SERPINB12: variants seen among roughly 807,000 people sequenced by gnomAD.
SERPINB12 encodes serpin B12.
A neutral mutation model predicts 41.1 loss-of-function variants in SERPINB12; 57 were observed. That is an observed-to-expected ratio of 1.39 (90% CI 1.12 to 1.73). SERPINB12 has a LOEUF of 1.73. Among genes scored for constraint, SERPINB12 ranks in the 40% most tolerant of loss-of-function variants. The pLI is 0.00. For missense variants in SERPINB12, 536 were observed against 501.9 expected (o/e 1.07, Z -0.65); for synonymous variants, 180 against 181.3 (o/e 0.99, Z 0.06).
At chr18:63,546,711 A>T (rs962804008) in intron 1 of SERPINB12, among the ~76,000 whole-genome samples, 1 of 152,254 alleles carries the variant, frequency 6.6e-6, no homozygotes, top group Non-Finnish European at 1.5e-5. Flanking sequence ...AGCAAAGAAA[A>T]TATAAGCATA....
rs1023440122 is a variant in SERPINB12, at chr18:63,568,383, A to C, written c.*1372A>C. Among the ~76,000 whole-genome samples, 1 of 152,116 alleles carries C rather than the reference A, an allele frequency of 6.6e-6. No individual in the cohort carries two copies. The highest frequency in any genetic ancestry group is 2.4e-5 in the African/African-American group (1 of 41,406). ...GTGACAGAGCGAAACCCTGTCTCAA[A>C]AAACAAACAAACAAAAAACCCAAAA... On this transcript the variant is annotated 3_prime_UTR_variant, in exon 8 of 8. Transcript: ENST00000382768.
the SERPINB12 span, among the ~76,000 whole-genome samples, chr18:63,527,380 A>G: frequency 3.3e-5 from 5 of 152,288 alleles, no homozygotes; most frequent in South Asian, 8.3e-4. Context: ...CAGACTATCA[A>G]TCCTTCAAAT....
intron 3 of SERPINB12, among the ~76,000 whole-genome samples, chr18:63,559,058 C>CTTTCTTTTTCTT (rs778900558): frequency 1.9e-5 from 2 of 107,402 alleles, no homozygotes; most frequent in Non-Finnish European, 4.1e-5. Flanking sequence ...TTCTTTCTTT[C>CTTTCTTTTTCTT]TCTCCTTCTT....
intron 1 of SERPINB12, among the ~76,000 whole-genome samples, chr18:63,544,466 A>T (rs1910339690): frequency 6.6e-6 from 1 of 152,166 alleles, no homozygotes; most frequent in Non-Finnish European, 1.5e-5. Context: ...GGGCGAGAAA[A>T]TTGAAGTTTT....
At chr18:63,537,659 A>G (rs1457046244), upstream of SERPINB12, among the ~76,000 whole-genome samples, 1 of 152,138 alleles carries the variant, frequency 6.6e-6, no homozygotes, top group Admixed American at 6.5e-5. Flanking sequence ...CTTTCTAGGG[A>G]GGCAACTACA....
At chr18:63,559,788 G>T in intron 4 of SERPINB12, 70 bp downstream of exon 4, 2 of 1,526,228 alleles carry the variant, frequency 1.3e-6, no homozygotes, top group Non-Finnish European at 9.0e-7. Flanking sequence ...GAGTAGCTGG[G>T]TTACTCACCT....
chr18:63,546,751 C>T (rs1451275312), intron 1 of SERPINB12, among the ~76,000 whole-genome samples: 1 of 152,128 alleles, frequency 6.6e-6, no homozygotes, highest in African/African-American at 2.4e-5. Flanking sequence ...TAGTTAAAAG[C>T]ATAGCATTTG....
At chr18:63,547,950 G>T (rs1394552249) in intron 1 of SERPINB12, among the ~76,000 whole-genome samples, 1 of 152,056 alleles carries the variant, frequency 6.6e-6, no homozygotes, top group Non-Finnish European at 1.5e-5. Context: ...TATTATGAAG[G>T]GTTCTCATGT....
the SERPINB12 span, among the ~76,000 whole-genome samples, chr18:63,524,754 CTTTT>C: frequency 7.2e-6 from 1 of 138,512 alleles, no homozygotes; most frequent in African/African-American, 2.7e-5. Flanking sequence ...TTTCCCTTTC[CTTTT>C]TTTTTTTTTT....
intron 1 of SERPINB12, among the ~76,000 whole-genome samples, chr18:63,554,980 G>A (rs751164593): frequency 2.0e-5 from 3 of 151,986 alleles, no homozygotes; most frequent in Admixed American, 6.6e-5. Context: ...CTCTCCTGCC[G>A]CCTAATGAAG....
chr18:63,526,031 A>C, the SERPINB12 span, among the ~76,000 whole-genome samples: 1 of 152,234 alleles, frequency 6.6e-6, no homozygotes, highest in African/African-American at 2.4e-5. Flanking sequence ...AACCCAGGAA[A>C]AAATGTATGC....
the SERPINB12 span, among the ~76,000 whole-genome samples, chr18:63,535,477 G>A: frequency 1.3e-5 from 2 of 151,938 alleles, no homozygotes; most frequent in Non-Finnish European, 2.9e-5. Context: ...CAAACTAAGG[G>A]ACATTTTATA....
At chr18:63,538,369 C>A (rs1049426986), upstream of SERPINB12, among the ~76,000 whole-genome samples, 3 of 152,030 alleles carry the variant, frequency 2.0e-5, no homozygotes, top group African/African-American at 7.2e-5. Flanking sequence ...CTAATCCTGG[C>A]AACCACAATA....
the SERPINB12 span, among the ~76,000 whole-genome samples, chr18:63,535,066 G>A: frequency 6.6e-6 from 1 of 152,036 alleles, no homozygotes; most frequent in Non-Finnish European, 1.5e-5. Context: ...AATGGTTTAT[G>A]GATTTTTCAG....
chr18:63,556,106 C>T (rs985835160), intron 1 of SERPINB12, 36 bp from the exon 2 acceptor site: 2 of 1,458,646 alleles, frequency 1.4e-6, no homozygotes, highest in Non-Finnish European at 1.9e-6. Flanking sequence ...TTCTTCCAAT[C>T]ACCATTTTCT....
rs1413352069 is a variant in SERPINB12, at chr18:63,565,467, T to A, written c.728T>A (p.Met243Lys). 3 of 1,613,516 alleles carry A rather than the reference T, an allele frequency of 1.9e-6. No individual in the cohort carries two copies. The highest frequency in any genetic ancestry group is 1.6e-4 in the Middle Eastern group (1 of 6,084). The change falls in exon 7 of 8, where the codon ATG becomes AAG. Residue 243 changes from methionine to lysine, a missense_variant. Met to Lys is a moderately conservative substitution (Grantham distance 95). Coordinates refer to ENST00000382768, the MANE Select transcript of SERPINB12 (RefSeq NM_001307928.2). ...LNANENKSVK[M>K]MTQKGLYRIG... ...CAGAATGAAAACAAGAGTGTGAAGA[T>A]GATGACGCAAAAAGGCCTCTACAGA...
chr18:63,554,253 T>C (rs1910605904), intron 1 of SERPINB12, among the ~76,000 whole-genome samples: 1 of 152,210 alleles, frequency 6.6e-6, no homozygotes, highest in Non-Finnish European at 1.5e-5. Flanking sequence ...GCCAAATATA[T>C]GTGCTATTTG....
At chr18:63,535,245 C>T in the SERPINB12 span, among the ~76,000 whole-genome samples, 90 of 152,098 alleles carry the variant, frequency 5.9e-4, 1 homozygote, top group Non-Finnish European at 2.2e-4. Flanking sequence ...ATATCTTCCT[C>T]CTTCGTATTT....
At chr18:63,532,507 G>A in the SERPINB12 span, among the ~76,000 whole-genome samples, 1 of 152,160 alleles carries the variant, frequency 6.6e-6, no homozygotes, top group Non-Finnish European at 1.5e-5. Flanking sequence ...TAAGGAAGTG[G>A]GTATTATGTG....
Sources: allele counts gnomAD v4.1 joint callset (sites outside exome capture counted in the v4.1 genomes callset), GRCh38; gene constraint gnomAD v4.1.1; transcripts MANE v1.5; gene names NCBI Gene and HGNC (gene_info 2026-07-23, HGNC 2026-07-21).